Variants in TENM3 observed in about 807,000 individuals in gnomAD.
TENM3 encodes teneurin-3.
In TENM3, 63 loss-of-function variants were observed where a neutral mutation model predicts 255.1. The ratio of observed to expected loss-of-function variants is 0.25; its 90% confidence interval spans 0.20 to 0.30. The LOEUF is 0.30. TENM3 is among the 10% of genes least tolerant of loss of function. The pLI is 1.00. For missense variants in TENM3, 2,929 were observed against 3,461.1 expected (o/e 0.85, Z 3.86); for synonymous variants, 1,306 against 1,322.3 (o/e 0.99, Z 0.27).
chr4:182,003,833 A>G, the TENM3 span, among the ~76,000 whole-genome samples: 1 of 151,992 alleles, frequency 6.6e-6, no homozygotes, highest in Admixed American at 6.6e-5. Flanking sequence ...TTTGAAAAAT[A>G]TTTCCCTGTG....
intron 16 of TENM3, among the ~76,000 whole-genome samples, chr4:182,734,221 G>A (rs1207504170): frequency 2.6e-5 from 4 of 152,160 alleles, no homozygotes; most frequent in Admixed American, 1.3e-4. Flanking sequence ...AGGAAAGCAC[G>A]TTTCAGATTG....
chr4:181,604,000 C>T, the TENM3 span, among the ~76,000 whole-genome samples: 1 of 152,100 alleles, frequency 6.6e-6, no homozygotes, highest in Non-Finnish European at 1.5e-5. Context: ...CGCGGTGGCT[C>T]ACGCCTGTAA....
At chr4:182,128,222 GTTATC>G in the TENM3 span, among the ~76,000 whole-genome samples, 1 of 151,794 alleles carries the variant, frequency 6.6e-6, no homozygotes, top group Non-Finnish European at 1.5e-5. Context: ...TTTAATGGAT[GTTATC>G]TTATCCTTTT....
the TENM3 span, among the ~76,000 whole-genome samples, chr4:182,030,000 C>CTTTT: frequency 1.2e-5 from 1 of 83,448 alleles, no homozygotes; most frequent in East Asian, 4.7e-4. Context: ...CATCTCTCTC[C>CTTTT]TTTTTTTCTT....
intron 11 of TENM3, among the ~76,000 whole-genome samples, chr4:182,687,040 G>A (rs1756633543): frequency 6.6e-6 from 1 of 152,144 alleles, no homozygotes; most frequent in African/African-American, 2.4e-5. Flanking sequence ...TGTTTAGCCT[G>A]TGAGATAGAG....
At chr4:181,827,141 C>G in the TENM3 span, among the ~76,000 whole-genome samples, 1 of 152,102 alleles carries the variant, frequency 6.6e-6, no homozygotes, top group Non-Finnish European at 1.5e-5. Context: ...CAGGAAAGCC[C>G]TGAAATGGGA....
chr4:182,090,097 G>A, the TENM3 span, among the ~76,000 whole-genome samples: 13 of 152,202 alleles, frequency 8.5e-5, no homozygotes, highest in African/African-American at 2.9e-4. Context: ...TTGATAATCA[G>A]GCTCATGCTT....
At chr4:182,255,052 C>G (rs1758295449) in intron 1 of TENM3, among the ~76,000 whole-genome samples, 1 of 152,154 alleles carries the variant, frequency 6.6e-6, no homozygotes. Flanking sequence ...CGGAAAATAT[C>G]TTAAATTTCA....
At chr4:181,697,247 G>A in the TENM3 span, among the ~76,000 whole-genome samples, 1 of 152,170 alleles carries the variant, frequency 6.6e-6, no homozygotes, top group South Asian at 2.1e-4. Context: ...AGACCAGGGA[G>A]TTCTGTGGAG....
chr4:182,629,921 C>T (rs1751200017), intron 5 of TENM3, among the ~76,000 whole-genome samples: 1 of 152,124 alleles, frequency 6.6e-6, no homozygotes, highest in Non-Finnish European at 1.5e-5. Flanking sequence ...AATTGTAGAG[C>T]ATGAAGGAAC....
chr4:181,885,177 C>A, the TENM3 span, among the ~76,000 whole-genome samples: 1 of 152,114 alleles, frequency 6.6e-6, no homozygotes, highest in African/African-American at 2.4e-5. Flanking sequence ...CTGAGAATGC[C>A]CACTAGCAAT....
At chr4:181,966,482 T>A in the TENM3 span, among the ~76,000 whole-genome samples, 1 of 152,124 alleles carries the variant, frequency 6.6e-6, no homozygotes, top group Non-Finnish European at 1.5e-5. Flanking sequence ...TATATAAAAG[T>A]CAAGCAGGCA....
At chr4:182,656,340 A>T (rs1753742890) in intron 6 of TENM3, among the ~76,000 whole-genome samples, 1 of 152,182 alleles carries the variant, frequency 6.6e-6, no homozygotes, top group African/African-American at 2.4e-5. Context: ...TATTACTTGA[A>T]TCGCCCCCAA....
At chr4:181,454,463 C>T in the TENM3 span, among the ~76,000 whole-genome samples, 1 of 151,982 alleles carries the variant, frequency 6.6e-6, no homozygotes, top group Non-Finnish European at 1.5e-5. Flanking sequence ...CCTAAGTGTA[C>T]AATGTTAATA....
At chr4:182,107,151 TACACACACACACACAC>T in the TENM3 span, among the ~76,000 whole-genome samples, 4 of 146,072 alleles carry the variant, frequency 2.7e-5, no homozygotes, top group Non-Finnish European at 3.0e-5. Flanking sequence ...AAACAGAACA[TACACACACACACACAC>T]ACACACACAC....
chr4:182,530,437 G>A (rs1331650087), intron 3 of TENM3, among the ~76,000 whole-genome samples: 1 of 152,200 alleles, frequency 6.6e-6, no homozygotes, highest in African/African-American at 2.4e-5. Context: ...GAAGGGGAAT[G>A]TACACATTAA....
At chr4:181,886,715 A>T in the TENM3 span, among the ~76,000 whole-genome samples, 1 of 152,172 alleles carries the variant, frequency 6.6e-6, no homozygotes, top group East Asian at 1.9e-4. Context: ...TTCATATTCA[A>T]ACTAAAACTT....
chr4:181,949,923 C>T, the TENM3 span, among the ~76,000 whole-genome samples: 1 of 152,174 alleles, frequency 6.6e-6, no homozygotes, highest in Admixed American at 6.5e-5. Context: ...TCTGCACAGC[C>T]ACCTCCTCGG....
rs371041612 is a variant in TENM3, at chr4:182,621,044, G to A, written c.750-7607G>A. On this transcript the variant is annotated intron_variant, in intron 4 of 27. Transcript: ENST00000511685. ...AAAACACAAAAAATTAGCAGGACAT[G>A]GTGGCGGGCGCCTGTAGTCCCAGCC... Among the ~76,000 whole-genome samples, 17 of 152,228 alleles carry A rather than the reference G, an allele frequency of 1.1e-4. No homozygotes were observed. In the South Asian group the frequency reaches 3.3e-3, roughly 30 times the overall value.
Sources: gnomAD v4.1 joint callset for allele counts (sites outside exome capture counted in the v4.1 genomes callset) on GRCh38, gnomAD v4.1.1 for gene constraint, MANE v1.5 for transcripts, NCBI Gene and HGNC (gene_info 2026-07-23, HGNC 2026-07-21) for gene names.